Variants in SSBP3 observed in about 807,000 individuals in gnomAD.
SSBP3 encodes single-stranded DNA-binding protein 3.
Under a neutral mutation model 69.6 loss-of-function variants are expected in SSBP3, and 5 were observed. That is an observed-to-expected ratio of 0.07 (90% CI 0.04 to 0.15). The LOEUF is 0.15. SSBP3 is among the 10% of genes least tolerant of loss of function. SSBP3 has a pLI of 1.00. For missense variants in SSBP3, 312 were observed against 534.0 expected (o/e 0.58, Z 4.10); for synonymous variants, 196 against 193.4 (o/e 1.01, Z -0.11).
chr1:54,285,431 C>T (rs1645470550), intron 4 of SSBP3: 1 of 151,996 alleles, frequency 6.6e-6, no homozygotes. Context: ...TCTCTGAGAC[C>T]CAGCACAACG....
intron 5 of SSBP3, among the ~76,000 whole-genome samples, chr1:54,279,509 C>T (rs1335056142): frequency 6.6e-6 from 1 of 152,254 alleles, no homozygotes; most frequent in African/African-American, 2.4e-5. Context: ...TATTGTCTAC[C>T]TCTTTCTACC....
At chr1:54,234,763 T>A (rs688259) in intron 14 of SSBP3, among the ~76,000 whole-genome samples, 72,389 of 150,208 alleles carry the variant, frequency 0.48, 18,003 homozygotes, top group African/African-American at 0.62. Flanking sequence ...ATCCTTTTTA[T>A]AAAAGAAAAA....
intron 4 of SSBP3, among the ~76,000 whole-genome samples, chr1:54,369,088 GCT>G (rs1171033299): frequency 6.6e-6 from 1 of 152,162 alleles, no homozygotes; most frequent in Non-Finnish European, 1.5e-5. Flanking sequence ...TTAAAGAAAA[GCT>G]CTTTCTGCTA....
At chr1:54,310,288 G>A (rs568094749) in intron 4 of SSBP3, among the ~76,000 whole-genome samples, 3 of 152,292 alleles carry the variant, frequency 2.0e-5, no homozygotes, top group South Asian at 2.1e-4. Context: ...CCCAGGGGCC[G>A]CAGGCTCCGT....
intron 4 of SSBP3, among the ~76,000 whole-genome samples, chr1:54,341,584 G>A (rs1036064620): frequency 2.6e-5 from 4 of 152,064 alleles, no homozygotes; most frequent in African/African-American, 4.8e-5. Flanking sequence ...AAGTGAACAG[G>A]ACAGTAAAGA....
intron 11 of SSBP3, among the ~76,000 whole-genome samples, chr1:54,241,864 C>G (rs1644644949): frequency 6.6e-6 from 1 of 152,248 alleles, no homozygotes. Flanking sequence ...ACCTTCCAGC[C>G]CTGCTGGGGA....
At chr1:54,374,484 T>C (rs1239723368) in intron 4 of SSBP3, among the ~76,000 whole-genome samples, 1 of 152,202 alleles carries the variant, frequency 6.6e-6, no homozygotes, top group Non-Finnish European at 1.5e-5. Context: ...GTCCAAGCCT[T>C]TCCAGGAGAA....
chr1:54,271,739 A>G (rs1444191227), intron 5 of SSBP3, among the ~76,000 whole-genome samples: 1 of 152,178 alleles, frequency 6.6e-6, no homozygotes, highest in Non-Finnish European at 1.5e-5. Flanking sequence ...CTTGAGCAAG[A>G]AACAAGAGAC....
chr1:54,405,921 G>T (rs774855705), intron 1 of SSBP3, 32 bp downstream of exon 1: 3 of 1,179,004 alleles, frequency 2.5e-6, no homozygotes, highest in Admixed American at 3.1e-5. Flanking sequence ...GCCCGGCGGC[G>T]GCGCGGCCGC....
intron 4 of SSBP3, among the ~76,000 whole-genome samples, chr1:54,350,118 G>C (rs1371096274): frequency 6.6e-6 from 1 of 152,160 alleles, no homozygotes; most frequent in Non-Finnish European, 1.5e-5. Context: ...GAGCATCCAC[G>C]TGAAAAGGCA....
chr1:54,325,158 G>C (rs2100405209), intron 4 of SSBP3, among the ~76,000 whole-genome samples: 1 of 152,306 alleles, frequency 6.6e-6, no homozygotes, highest in South Asian at 2.1e-4. Context: ...GAGCAGCCGA[G>C]CATCTGGGCC....
chr1:54,268,254 G>A (rs906146370), intron 5 of SSBP3, among the ~76,000 whole-genome samples: 6 of 152,262 alleles, frequency 3.9e-5, no homozygotes, highest in Non-Finnish European at 8.8e-5. Flanking sequence ...ATTTCCTTCA[G>A]CTCTGAAAAT....
At chr1:54,385,794 T>A (rs1648037003) in intron 4 of SSBP3, among the ~76,000 whole-genome samples, 1 of 152,174 alleles carries the variant, frequency 6.6e-6, no homozygotes, top group Non-Finnish European at 1.5e-5. Context: ...ATAAGGACAC[T>A]GAGGCTCAGA....
At chr1:54,411,355 G>A (rs186098381), upstream of SSBP3, among the ~76,000 whole-genome samples, 173 of 152,080 alleles carry the variant, frequency 1.1e-3, no homozygotes, top group Non-Finnish European at 2.3e-3. Flanking sequence ...GCATGTGCCT[G>A]TAATCTCAGC....
intron 4 of SSBP3, among the ~76,000 whole-genome samples, chr1:54,382,188 T>G (rs965769869): frequency 6.6e-6 from 1 of 152,148 alleles, no homozygotes; most frequent in East Asian, 1.9e-4. Context: ...AGCGAGACTC[T>G]GTCTCAAAAA....
intron 10 of SSBP3, chr1:54,242,834 C>T (rs2100658312): frequency 5.8e-6 from 1 of 171,084 alleles, no homozygotes; most frequent in Admixed American, 6.0e-5. Flanking sequence ...CCTGTAACAC[C>T]AGCTACTCAG....
chr1:54,280,717 C>T (rs1230291522), intron 5 of SSBP3, among the ~76,000 whole-genome samples: 1 of 128,660 alleles, frequency 7.8e-6, no homozygotes, highest in Non-Finnish European at 1.9e-5. Flanking sequence ...AAGGTAGAGA[C>T]AGAGGAGGCG....
At chr1:54,407,158 G>A (rs542434945), upstream of SSBP3, among the ~76,000 whole-genome samples, 57 of 152,254 alleles carry the variant, frequency 3.7e-4, no homozygotes, top group Middle Eastern at 6.8e-3. Flanking sequence ...GAGCCGGGGG[G>A]GAGGGGGGCT....
At chr1:54,313,852 C>T (rs1180349208) in intron 4 of SSBP3, among the ~76,000 whole-genome samples, 3 of 152,116 alleles carry the variant, frequency 2.0e-5, no homozygotes, top group South Asian at 4.2e-4. Flanking sequence ...CTGCAACCTC[C>T]GCCTCCCAGG....
Sources: allele counts gnomAD v4.1 joint callset (sites outside exome capture counted in the v4.1 genomes callset), GRCh38; gene constraint gnomAD v4.1.1; transcripts MANE v1.5; gene names NCBI Gene and HGNC (gene_info 2026-07-23, HGNC 2026-07-21).